Variants in CARF observed in about 807,000 individuals in gnomAD.
The protein encoded by CARF is calcium-responsive transcription factor.
In CARF, 57 loss-of-function variants were observed where a neutral mutation model predicts 82.0. That is an observed-to-expected ratio of 0.70 (90% CI 0.56 to 0.87). The LOEUF (loss-of-function observed/expected upper bound fraction) is 0.87. Among genes scored for constraint, CARF ranks in the 40% least tolerant of loss-of-function variants. The probability of loss-of-function intolerance (pLI) is 0.00; values close to 1 mark genes in which losing one functional copy is unlikely to be tolerated. For missense variants in CARF, 771 were observed against 855.8 expected (o/e 0.90, Z 1.24); for synonymous variants, 268 against 290.1 (o/e 0.92, Z 0.77).
chr2:202,965,093 CT>C (rs1170797387), intron 9 of CARF, among the ~76,000 whole-genome samples: 1 of 152,002 alleles, frequency 6.6e-6, no homozygotes, highest in African/African-American at 2.4e-5. Context: ...GTTAATAAAT[CT>C]CTTAAACTTC....
rs148331895 is a variant in CARF at position 202,939,198 on chromosome 2, T to G, written c.-43-2662T>G. Among the ~76,000 whole-genome samples the G allele has an allele frequency of 3.3e-3, 499 of 152,306 alleles. 4 individuals are homozygous for G. The highest frequency in any genetic ancestry group is 0.012 in the African/African-American group (481 of 41,568). On this transcript the variant is annotated intron_variant, in intron 3 of 16. Coordinates refer to ENST00000438828, the MANE Select transcript of CARF (RefSeq NM_024744.17). ...ATTCATGTCTTTAGTTTTGAAAAATTGCCAGCCATTATCTCTTCAAATACA... is the reference window on the plus strand; with the variant it reads ...ATTCATGTCTTTAGTTTTGAAAAATGGCCAGCCATTATCTCTTCAAATACA...
intron 8 of CARF, among the ~76,000 whole-genome samples, chr2:202,960,112 T>C (rs940768872): frequency 2.0e-5 from 3 of 152,352 alleles, no homozygotes; most frequent in Non-Finnish European, 4.4e-5. Context: ...AATCTAGGTA[T>C]ATGCTTTTCA....
chr2:202,954,710 TAA>T (rs35250610), intron 7 of CARF, among the ~76,000 whole-genome samples: 71 of 120,796 alleles, frequency 5.9e-4, no homozygotes, highest in Admixed American at 7.8e-4. Context: ...AGACATCATT[TAA>T]AAAAAAAAAA....
chr2:202,951,913 AC>A, intron 5 of CARF, among the ~76,000 whole-genome samples: 1 of 151,822 alleles, frequency 6.6e-6, no homozygotes, highest in African/African-American at 2.4e-5. Context: ...GCTCACTGCA[AC>A]CTCTGCCTCC....
Position 202,952,579 on chromosome 2 carries a change from A to T in CARF, c.327A>T (p.Thr109=), listed in dbSNP as rs772259018. ...CCAAGATGATCGTTGCCAGCCCAAC[A>T]GAAAATGGACAGGTACTTCGTGTAA... ...NAQMMIVASP[T]ENGQVLRVIP... is the part of the protein sequence containing the mutation. The change falls in exon 6 of 17, where the codon ACA becomes ACT. Residue 109 remains threonine (T), a synonymous_variant. Transcript: ENST00000438828. 17 of 1,613,622 alleles carry T rather than the reference A, an allele frequency of 1.1e-5. No homozygotes were observed. The highest frequency in any genetic ancestry group is 8.5e-7 in the Non-Finnish European group (1 of 1,179,870).
At chr2:202,922,075 C>T (rs1314399396) in intron 2 of CARF, among the ~76,000 whole-genome samples, 2 of 151,888 alleles carry the variant, frequency 1.3e-5, no homozygotes, top group Non-Finnish European at 2.9e-5. Flanking sequence ...GCCATTCTTC[C>T]ACCTTGACTT....
intron 10 of CARF, among the ~76,000 whole-genome samples, chr2:202,967,506 G>A (rs1053553502): frequency 1.3e-5 from 2 of 152,148 alleles, no homozygotes; most frequent in African/African-American, 2.4e-5. Flanking sequence ...ATACTAGTGT[G>A]AATGTAATGA....
intron 1 of CARF, among the ~76,000 whole-genome samples, chr2:202,917,590 A>G (rs1689981168): frequency 1.3e-5 from 2 of 152,194 alleles, no homozygotes; most frequent in Non-Finnish European, 2.9e-5. Flanking sequence ...GTAATTTGCT[A>G]GAGATCTTTG....
chr2:202,930,296 C>T (rs999640112), intron 3 of CARF, among the ~76,000 whole-genome samples: 2 of 152,222 alleles, frequency 1.3e-5, no homozygotes, highest in African/African-American at 4.8e-5. Context: ...ATCCACCTGC[C>T]TTGGCTTTCC....
chr2:202,919,721 G>A lies in CARF; in HGVS notation c.-163+1678G>A, dbSNP rs13391394. ...AAGCTATGGATTTTTGACTAATAAA[G>A]GCAGAAGAGAGCTTTGTTTATTGGT... On this transcript the variant is annotated intron_variant, in intron 2 of 16. Transcript: ENST00000438828. Among the ~76,000 whole-genome samples, 997 of 152,212 alleles carry A rather than the reference G, an allele frequency of 6.6e-3. 8 individuals are homozygous for A. The highest frequency in any genetic ancestry group is 0.022 in the African/African-American group (934 of 41,512).
chr2:202,981,948 A>C, intron 15 of CARF, 124 bp from the exon 16 acceptor site: 1 of 1,089,868 alleles, frequency 9.2e-7, no homozygotes, highest in Non-Finnish European at 1.3e-6. Flanking sequence ...TCTTCATTTA[A>C]TAATTATTTT....
At chr2:202,914,668 A>G (rs1559172751) in intron 1 of CARF, among the ~76,000 whole-genome samples, 2 of 151,684 alleles carry the variant, frequency 1.3e-5, no homozygotes, top group Non-Finnish European at 2.9e-5. Context: ...AATCCGAGCT[A>G]CTGGGGAGGC....
At chr2:202,962,620 G>A (rs2059370771) in intron 9 of CARF, 1 of 151,962 alleles carries the variant, frequency 6.6e-6, no homozygotes, top group Non-Finnish European at 1.5e-5. Flanking sequence ...TATCGTTCTA[G>A]TCTGTATTTT....
rs535157620 is a variant in CARF, at chr2:202,987,710, A to G, written c.*4086A>G. Among the ~76,000 whole-genome samples, 1 of 152,344 alleles carries G rather than the reference A, an allele frequency of 6.6e-6. No homozygotes were observed. The highest frequency in any genetic ancestry group is 6.5e-5 in the Admixed American group (1 of 15,300). Reference sequence around the variant, plus strand: ...CTGAGAAAAATAATGTGTATGGTTAATATGGAAAACCTTTGGTAATGTGAT... The same window carrying G: ...CTGAGAAAAATAATGTGTATGGTTAGTATGGAAAACCTTTGGTAATGTGAT... On this transcript the variant is annotated 3_prime_UTR_variant, in exon 17 of 17. Coordinates refer to ENST00000438828, the MANE Select transcript of CARF (RefSeq NM_024744.17).
chr2:202,944,988 C>T (rs2058425025), intron 5 of CARF, among the ~76,000 whole-genome samples: 1 of 151,870 alleles, frequency 6.6e-6, no homozygotes, highest in Admixed American at 6.6e-5. Flanking sequence ...GGCGATGACA[C>T]AGAAGGTTAT....
chr2:202,983,835 T>G lies in CARF; in HGVS notation c.*211T>G. ...CTCTTCTTATTTTGTATAATTTTTA[T>G]GCTCTTTGATTATCTAATAAGGCCA... On this transcript the variant is annotated 3_prime_UTR_variant, in exon 17 of 17. Coordinates refer to ENST00000438828, the MANE Select transcript of CARF (RefSeq NM_024744.17). The G allele has an allele frequency of 2.1e-6, 1 of 470,118 alleles. No homozygotes were observed. 29.1% of individuals were successfully genotyped at this position (470,118 alleles called of 1,614,324 possible).
intron 3 of CARF, among the ~76,000 whole-genome samples, chr2:202,927,096 A>G (rs1691981864): frequency 6.6e-6 from 1 of 152,166 alleles, no homozygotes; most frequent in African/African-American, 2.4e-5. Flanking sequence ...GATTACAGGC[A>G]TGAGCCACAG....
intron 3 of CARF, among the ~76,000 whole-genome samples, chr2:202,940,016 A>ATTGTTTGTTTGT (rs1283388850): frequency 6.0e-5 from 9 of 150,716 alleles, no homozygotes; most frequent in African/African-American, 2.2e-4. Flanking sequence ...GCAGTTTTTC[A>ATTGTTTGTTTGT]TTGTTTCTTT....
chr2:202,914,248 C>T (rs1689180965), intron 1 of CARF, among the ~76,000 whole-genome samples: 1 of 152,064 alleles, frequency 6.6e-6, no homozygotes, highest in Non-Finnish European at 1.5e-5. Context: ...TTGGAAAATA[C>T]ATTTCTCTTT....
Sources: gnomAD v4.1 joint callset for allele counts (sites outside exome capture counted in the v4.1 genomes callset) on GRCh38, gnomAD v4.1.1 for gene constraint, MANE v1.5 for transcripts, NCBI Gene and HGNC (gene_info 2026-07-23, HGNC 2026-07-21) for gene names.